PIAS2: variants seen among roughly 807,000 people sequenced by gnomAD.
PIAS2 encodes E3 SUMO-protein ligase PIAS2.
In PIAS2, 19 loss-of-function variants were observed where a neutral mutation model predicts 69.7. That is an observed-to-expected ratio of 0.27 (90% CI 0.19 to 0.40). The LOEUF (loss-of-function observed/expected upper bound fraction) is 0.40. PIAS2 is among the 10% of genes least tolerant of loss of function. The pLI is 1.00. For missense variants in PIAS2, 624 were observed against 757.0 expected (o/e 0.82, Z 2.06); for synonymous variants, 261 against 263.2 (o/e 0.99, Z 0.08).
At chr18:46,916,708 A>G in intron 1 of PIAS2, 4 of 529,670 alleles carry the variant, frequency 7.6e-6, no homozygotes, top group Non-Finnish European at 9.7e-6. Flanking sequence ...TTTCTTACTA[A>G]AACACTAAGA....
At chr18:46,854,001 A>G (rs1316793547) in intron 5 of PIAS2, 1 of 152,326 alleles carries the variant, frequency 6.6e-6, no homozygotes, top group Non-Finnish European at 1.5e-5. Context: ...CATCTTTCAA[A>G]AAGAGTCACG....
rs116182649 is a variant in PIAS2 at position 46,829,819 on chromosome 18, T to C, written c.1251A>G (p.Lys417=). ...GACACCAAGAACCATCTTCTTGGAA[T>C]TTGATCTCATCTACATCAGAACAGT... ...LNDCSDVDEI[K]FQEDGSWCPM... Residue 417 remains lysine, a synonymous_variant, in exon 10 of 14, where the codon AAA becomes AAG. Coordinates refer to ENST00000585916, the MANE Select transcript of PIAS2 (RefSeq NM_004671.5). 1 of 1,613,604 alleles carries C rather than the reference T, an allele frequency of 6.2e-7. No individual in the cohort carries two copies. The highest frequency in any genetic ancestry group is 1.3e-5 in the African/African-American group (1 of 75,048).
chr18:46,831,903 TTAAAA>T (rs1484693550), intron 9 of PIAS2, among the ~76,000 whole-genome samples: 3 of 152,178 alleles, frequency 2.0e-5, no homozygotes, highest in East Asian at 3.8e-4. Flanking sequence ...GGAAAATGTC[TTAAAA>T]TAATACCAAA....
rs768867707 is a variant in PIAS2, at chr18:46,812,408, T to G, written c.*25A>C. 9 of 1,499,852 alleles carry G rather than the reference T, an allele frequency of 6.0e-6. No individual in the cohort carries two copies. In the East Asian group the frequency reaches 1.8e-4, roughly 30 times the overall value. The allele number at this position is 1,499,852 out of a possible 1,614,324, so 92.9% of individuals were successfully genotyped here. A position where few individuals can be genotyped will look rare whatever the true frequency, so the allele number is the denominator to read the frequency against. On this transcript the variant is annotated 3_prime_UTR_variant, in exon 14 of 14. Transcript: ENST00000585916. ...AAGAAAAAGCAGTTCTGATGAATGA[T>G]TCCCAGAATCAAGTGAGTCCTCCTT...
intron 11 of PIAS2, among the ~76,000 whole-genome samples, chr18:46,825,895 A>T (rs2042781523): frequency 6.6e-6 from 1 of 152,104 alleles, no homozygotes; most frequent in Non-Finnish European, 1.5e-5. Flanking sequence ...ATATTAAAGC[A>T]CTCCTGGGAT....
At chr18:46,828,999 C>G (rs574856405) in intron 10 of PIAS2, among the ~76,000 whole-genome samples, 6 of 152,248 alleles carry the variant, frequency 3.9e-5, no homozygotes, top group East Asian at 3.9e-4. Context: ...ATTTTTTCCC[C>G]TTTCTTCTTA....
chr18:46,855,653 A>G, intron 3 of PIAS2, 38 bp from the exon 4 acceptor site: 2 of 1,498,622 alleles, frequency 1.3e-6, no homozygotes, highest in Non-Finnish European at 1.9e-6. Flanking sequence ...AAAAAAGTAC[A>G]ATGAGAATTC....
At chr18:46,867,654 C>G (rs1282126188) in intron 2 of PIAS2, among the ~76,000 whole-genome samples, 1 of 152,158 alleles carries the variant, frequency 6.6e-6, no homozygotes, top group East Asian at 1.9e-4. Flanking sequence ...TTATTCAAAC[C>G]TTTCCTTTTT....
chr18:46,881,377 G>T (rs1038984746), intron 2 of PIAS2, among the ~76,000 whole-genome samples: 1 of 152,054 alleles, frequency 6.6e-6, no homozygotes, highest in Non-Finnish European at 1.5e-5. Flanking sequence ...AAACTTTGGT[G>T]TATGTAATGG....
At chr18:46,910,911 A>G (rs538839094) in intron 1 of PIAS2, among the ~76,000 whole-genome samples, 1 of 152,354 alleles carries the variant, frequency 6.6e-6, no homozygotes, top group East Asian at 1.9e-4. Flanking sequence ...TATCACCAGC[A>G]TATCCTTCCA....
chr18:46,897,468 G>T (rs191019176), intron 1 of PIAS2, among the ~76,000 whole-genome samples: 1 of 152,230 alleles, frequency 6.6e-6, no homozygotes, highest in Non-Finnish European at 1.5e-5. Flanking sequence ...AACTGCATTG[G>T]ATTCAAACCG....
intron 3 of PIAS2, among the ~76,000 whole-genome samples, chr18:46,856,346 T>C (rs114789758): frequency 0.013 from 1,962 of 152,210 alleles, 42 homozygotes; most frequent in African/African-American, 0.043. Flanking sequence ...GATATTCTTA[T>C]TGATCTCAAG....
intron 1 of PIAS2, among the ~76,000 whole-genome samples, chr18:46,905,519 G>C (rs114202049): frequency 0.013 from 1,931 of 151,994 alleles, 38 homozygotes; most frequent in African/African-American, 0.043. Context: ...ATACACTAAA[G>C]AGCATAAACA....
chr18:46,868,884 G>A (rs114464252), intron 2 of PIAS2, among the ~76,000 whole-genome samples: 1,968 of 152,272 alleles, frequency 0.013, 41 homozygotes, highest in African/African-American at 0.043. Context: ...AGGGATGAGG[G>A]ATCAAGACCT....
intron 9 of PIAS2, among the ~76,000 whole-genome samples, chr18:46,830,287 G>T (rs941241321): frequency 1.3e-5 from 2 of 151,926 alleles, no homozygotes; most frequent in African/African-American, 4.8e-5. Flanking sequence ...AAGGAGGGAA[G>T]AAAAGGGAAA....
Position 46,805,105 on chromosome 18 carries a change from C to G in PIAS2, c.*7328G>C, listed in dbSNP as rs1034415739. ...TTCTGTTTGAATTAAGCAGCAAAGT[C>G]ATCTTCTGAGAAGGAAGTGGCCTGA... On this transcript the variant is annotated 3_prime_UTR_variant, in exon 14 of 14. Coordinates refer to ENST00000585916, the MANE Select transcript of PIAS2 (RefSeq NM_004671.5). 2.6e-5 allele frequency: 4 copies of G among 152,194 alleles called. No homozygotes were observed. The highest frequency in any genetic ancestry group is 5.9e-5 in the Non-Finnish European group (4 of 68,050). 9.4% of individuals were successfully genotyped at this position (152,194 alleles called of 1,614,324 possible). A position where few individuals can be genotyped will look rare whatever the true frequency, so the allele number is the denominator to read the frequency against.
intron 2 of PIAS2, among the ~76,000 whole-genome samples, chr18:46,876,398 T>C (rs1433358819): frequency 6.6e-6 from 1 of 152,154 alleles, no homozygotes; most frequent in Non-Finnish European, 1.5e-5. Context: ...AAAATGTAGA[T>C]TGGATAAATT....
intron 5 of PIAS2, chr18:46,852,540 A>G (rs1354143591): frequency 1.3e-5 from 2 of 152,214 alleles, no homozygotes; most frequent in African/African-American, 4.8e-5. Context: ...ATAGTCTAAT[A>G]CAAGTAATCA....
intron 11 of PIAS2, among the ~76,000 whole-genome samples, chr18:46,825,303 GC>G (rs1370423194): frequency 2.0e-5 from 3 of 152,150 alleles, no homozygotes; most frequent in Non-Finnish European, 4.4e-5. Context: ...ACAGGTGGCA[GC>G]CACTCTAACA....
Sources: allele counts gnomAD v4.1 joint callset (sites outside exome capture counted in the v4.1 genomes callset), GRCh38; gene constraint gnomAD v4.1.1; transcripts MANE v1.5; gene names NCBI Gene and HGNC (gene_info 2026-07-23, HGNC 2026-07-21).